Variants in ANTXR2 observed in about 807,000 individuals in gnomAD.
ANTXR2 encodes ANTXR cell adhesion molecule 2, also known as anthrax toxin receptor 2.
Under a neutral mutation model 73.7 loss-of-function variants are expected in ANTXR2, and 44 were observed. The observed-to-expected ratio is 0.60, with a 90% CI of 0.47 to 0.77. The LOEUF (loss-of-function observed/expected upper bound fraction) is 0.77, where lower values mean the gene tolerates loss of function less well. Among genes scored for constraint, ANTXR2 ranks in the 30% least tolerant of loss-of-function variants. The pLI is 0.00. For synonymous variants in ANTXR2, 217 were observed against 205.9 expected (o/e 1.05, Z -0.46); for missense variants, 604 against 592.5 (o/e 1.02, Z -0.20).
intron 16 of ANTXR2, among the ~76,000 whole-genome samples, chr4:79,913,596 A>G (rs944082279): frequency 7.9e-5 from 12 of 152,222 alleles, no homozygotes; most frequent in African/African-American, 2.7e-4. Flanking sequence ...CTATGCAATT[A>G]ACAATATAGA....
At chr4:80,049,101 T>C (rs1377289531) in intron 7 of ANTXR2, among the ~76,000 whole-genome samples, 1 of 146,130 alleles carries the variant, frequency 6.8e-6, no homozygotes, top group African/African-American at 2.5e-5. Flanking sequence ...TATTTCTTTC[T>C]GCTTAATACT....
chr4:80,005,061 T>TGATTG (rs1731240297), intron 12 of ANTXR2, among the ~76,000 whole-genome samples: 1 of 152,196 alleles, frequency 6.6e-6, no homozygotes, highest in Non-Finnish European at 1.5e-5. Flanking sequence ...AATCATGTTA[T>TGATTG]AAAATATGAC....
chr4:80,000,569 G>T (rs1421797222), intron 12 of ANTXR2, among the ~76,000 whole-genome samples: 1 of 151,982 alleles, frequency 6.6e-6, no homozygotes, highest in Non-Finnish European at 1.5e-5. Context: ...AGGGGAGAGA[G>T]ATTTTAAACA....
At chr4:80,021,270 G>A (rs754122554) in intron 10 of ANTXR2, among the ~76,000 whole-genome samples, 16 of 151,622 alleles carry the variant, frequency 1.1e-4, no homozygotes, top group East Asian at 1.9e-4. Context: ...GCCAAGTGGC[G>A]TATTAAGAAA....
intron 7 of ANTXR2, among the ~76,000 whole-genome samples, chr4:80,043,393 T>C (rs977395645): frequency 6.6e-6 from 1 of 151,976 alleles, no homozygotes; most frequent in Non-Finnish European, 1.5e-5. Context: ...TCCTTTAAAA[T>C]GTGTGGTAAA....
In ANTXR2 at chr4:79,990,392, A is replaced by AAAC. The variant is rs1553930810; in HGVS notation, c.1042-5530_1042-5529insGTT. Reference sequence around the variant, plus strand: ...TCAATAACAACAGTTACAAAAAAAAAAAAAAAAAAACACCTTGTAATACAG... The same window carrying AAAC: ...TCAATAACAACAGTTACAAAAAAAAAAACAAAAAAAAAACACCTTGTAATACAG... On this transcript the variant is annotated intron_variant, in intron 12 of 16. Transcript: ENST00000403729. Among the ~76,000 whole-genome samples, 5 of 150,690 alleles carry AAAC rather than the reference A, an allele frequency of 3.3e-5. No homozygotes were observed. In the East Asian group the frequency reaches 7.8e-4, roughly 23 times the overall value.
At chr4:80,031,561 C>A in intron 10 of ANTXR2, 62 bp downstream of exon 10, 1 of 1,229,582 alleles carries the variant, frequency 8.1e-7, no homozygotes, top group East Asian at 2.9e-5. Context: ...ATGTATATGT[C>A]ACCATTTTCT....
chr4:80,047,484 G>A (rs1719004016), intron 7 of ANTXR2, among the ~76,000 whole-genome samples: 1 of 151,442 alleles, frequency 6.6e-6, no homozygotes, highest in South Asian at 2.1e-4. Flanking sequence ...TCTATGAATA[G>A]TGCTCCTTTC....
At chr4:80,005,545 A>G (rs1234244417) in intron 12 of ANTXR2, among the ~76,000 whole-genome samples, 1 of 152,116 alleles carries the variant, frequency 6.6e-6, no homozygotes, top group Non-Finnish European at 1.5e-5. Context: ...CTGCGATTGT[A>G]TTATAATACC....
chr4:80,069,531 T>C (rs746209294), intron 2 of ANTXR2, 24 bp from the exon 3 acceptor site: 63 of 1,524,954 alleles, frequency 4.1e-5, no homozygotes, highest in Non-Finnish European at 5.3e-5. Context: ...AAAGAGGCAG[T>C]TAAAACATTT....
intron 16 of ANTXR2, among the ~76,000 whole-genome samples, chr4:79,924,283 A>T (rs1727698369): frequency 6.6e-6 from 1 of 152,154 alleles, no homozygotes; most frequent in Non-Finnish European, 1.5e-5. Context: ...GTACTTCATC[A>T]ACAAGTAAAG....
Position 79,903,271 on chromosome 4 carries a change from T to C in ANTXR2, c.*4158A>G, listed in dbSNP as rs1365156935. The stretch of plus-strand genomic sequence containing the variant: ...GCAAGCTAGTTGATGGCTGGGTCTA[T>C]GGTCTAGGACCTCTCTGTTACCTGA... On this transcript the variant is annotated 3_prime_UTR_variant, in exon 17 of 17. Coordinates refer to ENST00000403729, the MANE Select transcript of ANTXR2 (RefSeq NM_058172.6). 2 of 152,142 alleles carry C rather than the reference T, an allele frequency of 1.3e-5. No homozygotes were observed. The highest frequency in any genetic ancestry group is 1.9e-4 in the East Asian group (1 of 5,198). The allele number at this position is 152,142 out of a possible 1,614,324, so 9.4% of individuals were successfully genotyped here.
At chr4:79,995,117 A>G (rs1730662593) in intron 12 of ANTXR2, among the ~76,000 whole-genome samples, 1 of 152,002 alleles carries the variant, frequency 6.6e-6, no homozygotes, top group African/African-American at 2.4e-5. Context: ...ATGTTGCTGC[A>G]CAGTTGAACC....
At chr4:79,908,091 T>C (rs1429975049) in intron 16 of ANTXR2, among the ~76,000 whole-genome samples, 1 of 152,236 alleles carries the variant, frequency 6.6e-6, no homozygotes, top group African/African-American at 2.4e-5. Context: ...TCTGTGAAGG[T>C]TGTGTGGACA....
chr4:79,919,730 G>A (rs980214395), intron 16 of ANTXR2, among the ~76,000 whole-genome samples: 3 of 151,522 alleles, frequency 2.0e-5, no homozygotes, highest in South Asian at 2.1e-4. Context: ...TGGCTTCTTC[G>A]CTCCTCAGTT....
chr4:79,980,063 T>C (rs1490631668), intron 14 of ANTXR2, among the ~76,000 whole-genome samples: 2 of 152,098 alleles, frequency 1.3e-5, no homozygotes, highest in South Asian at 2.1e-4. Context: ...ATTCTCAGAT[T>C]AAAAAAATAT....
At chr4:80,056,734 T>C (rs1734015269) in intron 3 of ANTXR2, among the ~76,000 whole-genome samples, 1 of 151,920 alleles carries the variant, frequency 6.6e-6, no homozygotes, top group African/African-American at 2.4e-5. Flanking sequence ...TTAAAAACTA[T>C]AGAATAATTT....
At chr4:79,992,451 T>C (rs1730516339) in intron 12 of ANTXR2, among the ~76,000 whole-genome samples, 1 of 151,880 alleles carries the variant, frequency 6.6e-6, no homozygotes, top group Admixed American at 6.6e-5. Context: ...TCCTTTTGAA[T>C]GCTACAAAGC....
intron 13 of ANTXR2, 114 bp downstream of exon 13, chr4:79,984,705 A>G: frequency 1.1e-6 from 1 of 896,818 alleles, no homozygotes; most frequent in Non-Finnish European, 1.8e-6. Flanking sequence ...TAAATTAAAA[A>G]GTCAGTACAT....
Sources: allele counts gnomAD v4.1 joint callset (sites outside exome capture counted in the v4.1 genomes callset), GRCh38; gene constraint gnomAD v4.1.1; transcripts MANE v1.5; gene names NCBI Gene and HGNC (gene_info 2026-07-23, HGNC 2026-07-21).